Variants in PTPN14 observed in about 807,000 individuals in gnomAD.
The protein encoded by PTPN14 is tyrosine-protein phosphatase non-receptor type 14.
Under a neutral mutation model 126.8 loss-of-function variants are expected in PTPN14, and 53 were observed. The ratio of observed to expected loss-of-function variants is 0.42; its 90% CI spans 0.34 to 0.53. PTPN14 has a LOEUF of 0.53. PTPN14 is among the 20% of genes least tolerant of loss of function. PTPN14 has a pLI of 0.08. For missense variants in PTPN14, 1,257 were observed against 1,552.9 expected (o/e 0.81, Z 3.20); for synonymous variants, 630 against 599.3 (o/e 1.05, Z -0.75).
intron 1 of PTPN14, among the ~76,000 whole-genome samples, chr1:214,503,393 A>G (rs114662098): frequency 2.0e-3 from 310 of 152,358 alleles, no homozygotes; most frequent in African/African-American, 7.3e-3. Flanking sequence ...ACTGAATCTT[A>G]GAAGAGACTG....
chr1:214,442,945 T>A (rs1270313823), intron 3 of PTPN14, among the ~76,000 whole-genome samples: 2 of 152,016 alleles, frequency 1.3e-5, no homozygotes, highest in Non-Finnish European at 2.9e-5. Context: ...CGCCTCAGCC[T>A]CCTGAGTAGC....
At chr1:214,520,047 C>CA (rs1183768381) in intron 1 of PTPN14, among the ~76,000 whole-genome samples, 3,581 of 80,738 alleles carry the variant, frequency 0.044, 150 homozygotes, top group Non-Finnish European at 0.056. Flanking sequence ...AACCCTGTCT[C>CA]AAAAAAAAAA....
At chr1:214,446,953 C>A (rs903702855) in intron 3 of PTPN14, among the ~76,000 whole-genome samples, 3 of 152,170 alleles carry the variant, frequency 2.0e-5, no homozygotes, top group African/African-American at 4.8e-5. Context: ...CCTCCTCCAA[C>A]GGGTTGCCCG....
At chr1:214,465,976 A>T (rs1660628742) in intron 1 of PTPN14, among the ~76,000 whole-genome samples, 1 of 2,488 alleles carries the variant, frequency 4.0e-4, no homozygotes, top group Non-Finnish European at 1.1e-3. Flanking sequence ...TTTTTTGTGA[A>T]GACGGAGTCT....
chr1:214,548,674 G>A (rs1423244829), intron 1 of PTPN14, among the ~76,000 whole-genome samples: 3 of 152,146 alleles, frequency 2.0e-5, no homozygotes, highest in Non-Finnish European at 1.5e-5. Context: ...GTAATCAAAG[G>A]GTTGATGTTT....
At chr1:214,480,140 CT>C (rs1660953706) in intron 1 of PTPN14, among the ~76,000 whole-genome samples, 1 of 152,164 alleles carries the variant, frequency 6.6e-6, no homozygotes, top group Non-Finnish European at 1.5e-5. Flanking sequence ...CCCTATACTT[CT>C]GATTCTTTCA....
chr1:214,404,821 A>G lies in PTPN14; in HGVS notation c.511-1868T>C, dbSNP rs114523291. Among the ~76,000 whole-genome samples, 804 of 152,306 alleles carry G rather than the reference A, an allele frequency of 5.3e-3. 4 individuals are homozygous for G. Among genetic ancestry groups the G allele is most frequent in the African/African-American group, 0.019 (770 of 41,568 alleles). ...GAAATGCCATTTAACAAATTCAATT[A>G]CTTCATAAGATCAAACACAGCCATT... is the stretch of plus-strand genomic sequence containing the variant. On this transcript the variant is annotated intron_variant, in intron 5 of 18. Transcript: ENST00000366956.
At chr1:214,464,488 G>A (rs1660582378) in intron 2 of PTPN14, 142 bp downstream of exon 2, 7 of 1,104,452 alleles carry the variant, frequency 6.3e-6, no homozygotes, top group Middle Eastern at 6.0e-4. Context: ...AGAATAACAG[G>A]ATTCTTATAA....
intron 3 of PTPN14, among the ~76,000 whole-genome samples, chr1:214,446,462 A>T (rs1660144294): frequency 6.6e-6 from 1 of 152,224 alleles, no homozygotes; most frequent in South Asian, 2.1e-4. Context: ...GAGACACAGT[A>T]TGTCAAATTA....
At chr1:214,420,266 C>T (rs868631247) in intron 3 of PTPN14, among the ~76,000 whole-genome samples, 3 of 152,198 alleles carry the variant, frequency 2.0e-5, no homozygotes, top group Non-Finnish European at 4.4e-5. Context: ...TAAGCTAATA[C>T]ATGTACATGC....
At chr1:214,450,421 A>G (rs1428580642) in intron 3 of PTPN14, among the ~76,000 whole-genome samples, 2 of 151,638 alleles carry the variant, frequency 1.3e-5, no homozygotes, top group Non-Finnish European at 2.9e-5. Context: ...GCAGTAAGCC[A>G]AGATCGTGCC....
chr1:214,504,481 C>T (rs150519713), intron 1 of PTPN14, among the ~76,000 whole-genome samples: 276 of 152,312 alleles, frequency 1.8e-3, no homozygotes, highest in African/African-American at 6.5e-3. Flanking sequence ...CAATCATTTT[C>T]CCGTAGCTGT....
intron 10 of PTPN14, among the ~76,000 whole-genome samples, chr1:214,392,189 A>G (rs1056270226): frequency 1.3e-5 from 2 of 152,080 alleles, no homozygotes; most frequent in Non-Finnish European, 2.9e-5. Context: ...TGGGGGAGAG[A>G]GAGAAAGAGA....
intron 2 of PTPN14, among the ~76,000 whole-genome samples, chr1:214,456,804 T>A (rs1363180322): frequency 1.3e-5 from 2 of 152,186 alleles, no homozygotes; most frequent in African/African-American, 4.8e-5. Context: ...ATTAAGCTAA[T>A]AATGTTTCAC....
chr1:214,439,009 G>A (rs186670502), intron 3 of PTPN14, among the ~76,000 whole-genome samples: 1 of 152,298 alleles, frequency 6.6e-6, no homozygotes, highest in Admixed American at 6.5e-5. Flanking sequence ...AAACACCAGA[G>A]AGTGAGGTCT....
Position 214,416,573 on chromosome 1 carries a change from T to C in PTPN14, c.345-1847A>G, listed in dbSNP as rs189802186. Among the ~76,000 whole-genome samples, 69 of 152,286 alleles carry C rather than the reference T, an allele frequency of 4.5e-4. No individual in the cohort carries two copies. The Middle Eastern group carries it at 0.01, about 23-fold the overall frequency. ...CACTAGCAAGGAACACCAGGAACAT[T>C]CCTAATCATGTAGGTTGGGTGTAGG... On this transcript the variant is annotated intron_variant, in intron 3 of 18. Transcript: ENST00000366956.
At chr1:214,532,124 T>C (rs903002224) in intron 1 of PTPN14, 8 of 229,498 alleles carry the variant, frequency 3.5e-5, no homozygotes, top group Non-Finnish European at 5.3e-5. Flanking sequence ...TAAATATGTA[T>C]TGAAGTAGTA....
intron 1 of PTPN14, among the ~76,000 whole-genome samples, chr1:214,473,613 A>C (rs979314717): frequency 2.0e-5 from 3 of 152,238 alleles, no homozygotes; most frequent in Non-Finnish European, 4.4e-5. Flanking sequence ...GTGAGGGTGT[A>C]AGAAAGGAAA....
rs1659314059 is a variant in PTPN14, at chr1:214,411,732, A to T, written c.462T>A (p.Asn154Lys). ...LAVQADFGDY[N>K]QFDSQDFLRE... ...TGAGGAAATCTTGAGAATCAAACTG[A>T]TTATAGTCTCCAAAATCAGCTGAGA... Residue 154 changes from asparagine (N) to lysine (K), a missense_variant, in exon 5 of 19, where the codon AAT becomes AAA. Physicochemically the swap from Asn to Lys is moderately conservative, Grantham distance 94 (BLOSUM62 0). Around this residue, in one of 3 missense-constraint regions of PTPN14, gnomAD observed 1,021 missense variants for 1,183.3 expected, o/e 0.86. Transcript: ENST00000366956. 1 of 1,510,850 alleles carries T rather than the reference A, an allele frequency of 6.6e-7. No homozygotes were observed. Among genetic ancestry groups the T allele is most frequent in the Non-Finnish European group, 9.1e-7 (1 of 1,095,862 alleles). The allele number at this position is 1,510,850 out of a possible 1,614,324, so 93.6% of individuals were successfully genotyped here.
Sources: gnomAD v4.1 joint callset for allele counts (sites outside exome capture counted in the v4.1 genomes callset) on GRCh38, gnomAD v4.1.1 for gene constraint, gnomAD v4.1.1 regional missense constraint, MANE v1.5 for transcripts, NCBI Gene and HGNC (gene_info 2026-07-23, HGNC 2026-07-21) for gene names.